SEMA6D: variants seen among roughly 807,000 people sequenced by gnomAD.
The protein encoded by SEMA6D is semaphorin-6D.
In SEMA6D, 35 loss-of-function variants were observed where a neutral mutation model predicts 106.6. The observed-to-expected ratio is 0.33, with a 90% confidence interval of 0.25 to 0.44. The LOEUF is 0.44. SEMA6D is among the 20% of genes least tolerant of loss of function. The pLI is 1.00. For synonymous variants in SEMA6D, 499 were observed against 487.7 expected, an observed-to-expected ratio of 1.02 and a Z score of -0.31; for missense variants, 1,185 against 1,345.9, an observed-to-expected ratio of 0.88 and a Z score of 1.87.
At chr15:47,445,362 T>A (rs1422270036) in intron 2 of SEMA6D, among the ~76,000 whole-genome samples, 1 of 152,048 alleles carries the variant, frequency 6.6e-6, no homozygotes, top group Non-Finnish European at 1.5e-5. Context: ...ATCAATTTGG[T>A]CGTAATGTTA....
chr15:47,454,078 A>G (rs2042271084), intron 2 of SEMA6D, among the ~76,000 whole-genome samples: 1 of 151,888 alleles, frequency 6.6e-6, no homozygotes, highest in South Asian at 2.1e-4. Context: ...GGTGGAGAAC[A>G]TATTTAAAAC....
intron 3 of SEMA6D, among the ~76,000 whole-genome samples, chr15:47,552,449 A>T (rs1050846418): frequency 6.6e-6 from 1 of 150,838 alleles, no homozygotes; most frequent in African/African-American, 2.4e-5. Flanking sequence ...GCTTATTCTT[A>T]TCAAGAAAAT....
At chr15:47,292,451 T>C (rs1400677533) in intron 1 of SEMA6D, among the ~76,000 whole-genome samples, 2 of 152,216 alleles carry the variant, frequency 1.3e-5, no homozygotes, top group African/African-American at 4.8e-5. Flanking sequence ...TTTTTTGTTT[T>C]CCTTTAAGCA....
intron 1 of SEMA6D, among the ~76,000 whole-genome samples, chr15:47,740,309 A>G (rs1046478887): frequency 2.6e-5 from 4 of 152,098 alleles, no homozygotes; most frequent in African/African-American, 9.7e-5. Context: ...TCAGCAGGTC[A>G]AGAGATCGAG....
chr15:47,185,053 C>T (rs1213613647), intron 1 of SEMA6D, among the ~76,000 whole-genome samples: 9 of 152,150 alleles, frequency 5.9e-5, no homozygotes, highest in Non-Finnish European at 1.0e-4. Flanking sequence ...CCCGCGCTAG[C>T]GGGCTTGCGC....
chr15:47,416,998 A>G (rs534168559), intron 2 of SEMA6D, among the ~76,000 whole-genome samples: 8 of 152,190 alleles, frequency 5.3e-5, no homozygotes, highest in African/African-American at 1.9e-4. Flanking sequence ...ATCTGACAAA[A>G]TGTCGTTAGA....
chr15:47,461,890 A>G (rs947023468), intron 2 of SEMA6D, among the ~76,000 whole-genome samples: 2 of 152,034 alleles, frequency 1.3e-5, no homozygotes, highest in Non-Finnish European at 2.9e-5. Flanking sequence ...TGAAAGAACA[A>G]TGTTACCTCC....
At chr15:47,642,080 T>C (rs946707814) in intron 4 of SEMA6D, among the ~76,000 whole-genome samples, 2 of 152,192 alleles carry the variant, frequency 1.3e-5, no homozygotes, top group African/African-American at 4.8e-5. Flanking sequence ...TCCCCAGCCT[T>C]CTTAATGGAG....
At position 47,428,715 on chromosome 15, in the gene SEMA6D, A is replaced by G. The variant is rs367721707; in HGVS notation, c.-159+16243A>G. 2.5e-3 allele frequency among the ~76,000 whole-genome samples: 376 copies of G among 152,064 alleles called. 2 individuals are homozygous for G. Among genetic ancestry groups the G allele is most frequent in the African/African-American group, 8.9e-3 (368 of 41,510 alleles). On this transcript the variant is annotated intron_variant, in intron 2 of 19. Transcript: ENST00000558014. ...CTTGAACCTGGGAGGTGGAGGTTGC[A>G]GTGAGCTGAGATTGCACCACTGCAC...
chr15:47,227,963 C>CTTATATATATT (rs1308567038), intron 1 of SEMA6D, among the ~76,000 whole-genome samples: 4 of 136,926 alleles, frequency 2.9e-5, no homozygotes, highest in African/African-American at 1.1e-4. Flanking sequence ...ATGTAAGAAT[C>CTTATATATATT]TTATATATAT....
chr15:47,258,081 A>T lies in SEMA6D; in HGVS notation c.-239+73663A>T, dbSNP rs536687244. ...TTGAGCATTTTTGATTAATGTTTAT[A>T]TATCTTTTGCCATCTTTTTATTTTT... On this transcript the variant is annotated intron_variant, in intron 1 of 19. Transcript: ENST00000558014. Among the ~76,000 whole-genome samples the T allele has an allele frequency of 2.4e-4, 36 of 152,230 alleles. 1 individual carries two copies. The highest frequency in any genetic ancestry group is 8.2e-4 in the African/African-American group (34 of 41,544).
intron 3 of SEMA6D, among the ~76,000 whole-genome samples, chr15:47,575,878 A>G (rs1298671561): frequency 6.6e-6 from 1 of 152,218 alleles, no homozygotes; most frequent in Non-Finnish European, 1.5e-5. Flanking sequence ...ATTAACACAA[A>G]TGCACATGTA....
intron 3 of SEMA6D, 50 bp downstream of exon 3, chr15:47,760,465 G>T (rs753205025): frequency 2.1e-6 from 3 of 1,410,458 alleles, no homozygotes; most frequent in South Asian, 1.2e-5. Context: ...TTCTCTTGTG[G>T]TGCTTGCATT....
At chr15:47,488,011 G>C (rs1478313216) in intron 3 of SEMA6D, among the ~76,000 whole-genome samples, 1 of 152,122 alleles carries the variant, frequency 6.6e-6, no homozygotes, top group Non-Finnish European at 1.5e-5. Flanking sequence ...TTTCCTGGCT[G>C]AATTGAGGCC....
intron 3 of SEMA6D, among the ~76,000 whole-genome samples, chr15:47,519,660 C>T (rs2044506994): frequency 6.6e-6 from 1 of 152,154 alleles, no homozygotes; most frequent in South Asian, 2.1e-4. Context: ...GGCCTGAGAC[C>T]GGGTCACATC....
chr15:47,366,782 T>C (rs141017936), intron 1 of SEMA6D, among the ~76,000 whole-genome samples: 53 of 152,280 alleles, frequency 3.5e-4, no homozygotes, highest in African/African-American at 1.3e-3. Flanking sequence ...ACAGTGAGTA[T>C]AGGCAAGAAA....
At chr15:47,640,860 C>CT (rs76422184) in intron 4 of SEMA6D, among the ~76,000 whole-genome samples, 29 of 147,422 alleles carry the variant, frequency 2.0e-4, no homozygotes, top group South Asian at 6.4e-4. Context: ...AATTACATAC[C>CT]TTTTTTTTTT....
At position 47,761,758 on chromosome 15, in the gene SEMA6D, T is replaced by C. The variant is rs778140370; in HGVS notation, c.538+7T>C. On this transcript the variant is annotated splice_region_variant and intron_variant, in intron 7 of 18. Coordinates refer to ENST00000536845, the MANE Select transcript of SEMA6D (RefSeq NM_001358351.3). The stretch of plus-strand genomic sequence containing the variant: ...AATGTTGCCCTCTTTGCTGGTAAGA[T>C]CCTTTAGCGTAATGAATATAAATGA... 6.3e-6 allele frequency: 10 copies of C among 1,597,676 alleles called. No individual in the cohort carries two copies. In the Admixed American group the frequency reaches 1.5e-4, roughly 25 times the overall value.
chr15:47,703,034 A>G (rs1886317889), intron 4 of SEMA6D, among the ~76,000 whole-genome samples: 2 of 152,216 alleles, frequency 1.3e-5, no homozygotes, highest in African/African-American at 4.8e-5. Context: ...AAAAAAACAG[A>G]TGGAAAGATT....
Sources: gnomAD v4.1 joint callset for allele counts (sites outside exome capture counted in the v4.1 genomes callset) on GRCh38, gnomAD v4.1.1 for gene constraint, MANE v1.5 for transcripts, NCBI Gene and HGNC (gene_info 2026-07-23, HGNC 2026-07-21) for gene names.